The following LRP1B variants were observed in gnomAD, a reference collection of about 807,000 sequenced individuals.
LRP1B encodes low-density lipoprotein receptor-related protein 1B.
In LRP1B, 217 loss-of-function variants were observed where a neutral mutation model predicts 556.6. The ratio of observed to expected loss-of-function variants is 0.39; its 90% CI spans 0.35 to 0.44. The LOEUF is 0.44. LRP1B is among the 20% of genes least tolerant of loss of function. LRP1B has a pLI of 1.00. For missense variants in LRP1B, 5,053 were observed against 5,620.8 expected, an observed-to-expected ratio of 0.90 and a Z score of 3.23; for synonymous variants, 2,047 against 1,865.8, an observed-to-expected ratio of 1.10 and a Z score of -2.50.
intron 41 of LRP1B, among the ~76,000 whole-genome samples, chr2:140,645,124 T>C (rs532900719): frequency 9.1e-4 from 139 of 152,296 alleles, no homozygotes; most frequent in Non-Finnish European, 1.6e-3. Context: ...GGAAGCCTTT[T>C]TTCGGTCTAA....
intron 6 of LRP1B, among the ~76,000 whole-genome samples, chr2:141,191,885 C>G (rs1681528274): frequency 6.6e-6 from 1 of 151,816 alleles, no homozygotes; most frequent in Admixed American, 6.6e-5. Flanking sequence ...CATTCAATGA[C>G]CCATCCCTCA....
intron 42 of LRP1B, 49 bp downstream of exon 42, chr2:140,601,401 C>A: frequency 1.5e-6 from 2 of 1,337,332 alleles, no homozygotes; most frequent in African/African-American, 1.5e-5. Flanking sequence ...CTCTGATATT[C>A]TTTTGACTTA....
Position 141,320,537 on chromosome 2 carries a change from G to A in LRP1B, c.344-65896C>T, listed in dbSNP as rs191435303. ...GCGGAGGACCACTCCTACTTAATTT[G>A]GATTCTCCTCTTTCTGGGAGCTAGT... On this transcript the variant is annotated intron_variant, in intron 3 of 90. Transcript: ENST00000389484. Among the ~76,000 whole-genome samples the A allele has an allele frequency of 2.3e-3, 343 of 152,104 alleles. 2 individuals carry two copies. The highest frequency in any genetic ancestry group is 3.9e-3 in the South Asian group (19 of 4,820).
intron 1 of LRP1B, among the ~76,000 whole-genome samples, chr2:141,850,548 T>C (rs986299889): frequency 3.3e-5 from 5 of 150,384 alleles, no homozygotes; most frequent in African/African-American, 1.2e-4. Context: ...TACATTCCTA[T>C]ATATATATAT....
chr2:141,422,007 A>G (rs1319391568), intron 3 of LRP1B, among the ~76,000 whole-genome samples: 3 of 152,192 alleles, frequency 2.0e-5, no homozygotes, highest in East Asian at 3.9e-4. Flanking sequence ...GTTTATGACT[A>G]TATTAAACAG....
At chr2:141,423,644 C>T (rs1012364790) in intron 3 of LRP1B, among the ~76,000 whole-genome samples, 6 of 152,042 alleles carry the variant, frequency 3.9e-5, no homozygotes, top group African/African-American at 1.4e-4. Context: ...AACAATAAAA[C>T]GCTCTCCTGC....
At chr2:141,198,539 G>A (rs910178996) in intron 6 of LRP1B, among the ~76,000 whole-genome samples, 1 of 152,090 alleles carries the variant, frequency 6.6e-6, no homozygotes, top group Non-Finnish European at 1.5e-5. Flanking sequence ...CCTGTCATTT[G>A]GTGGCAGGTC....
chr2:140,277,285 G>C (rs1286148361), intron 84 of LRP1B, among the ~76,000 whole-genome samples: 1 of 151,822 alleles, frequency 6.6e-6, no homozygotes. Flanking sequence ...TTAAATCTTA[G>C]ATTAAGATTA....
chr2:141,307,200 T>C (rs1361174611), intron 3 of LRP1B, among the ~76,000 whole-genome samples: 1 of 152,132 alleles, frequency 6.6e-6, no homozygotes, highest in African/African-American at 2.4e-5. Context: ...ATGCTGAGAG[T>C]AGGGTGTTGA....
chr2:140,631,565 A>T (rs1683885118), intron 41 of LRP1B, among the ~76,000 whole-genome samples: 1 of 152,222 alleles, frequency 6.6e-6, no homozygotes, highest in South Asian at 2.1e-4. Flanking sequence ...TAACGAAAGA[A>T]TCAGTGAGCT....
chr2:141,269,189 G>T (rs1684998568), intron 3 of LRP1B, among the ~76,000 whole-genome samples: 1 of 152,124 alleles, frequency 6.6e-6, no homozygotes, highest in Non-Finnish European at 1.5e-5. Context: ...CAAAAACAAT[G>T]AATATTTTGG....
rs1174041958 is a variant in LRP1B, at chr2:141,320,428, ATCT to A, written c.344-65790_344-65788del. 2.0e-5 allele frequency among the ~76,000 whole-genome samples: 3 copies of A among 152,070 alleles called. No individual in the cohort carries two copies. The East Asian group carries it at 5.8e-4, about 29-fold the overall frequency. On this transcript the variant is annotated intron_variant, in intron 3 of 90. Coordinates refer to ENST00000389484, the MANE Select transcript of LRP1B (RefSeq NM_018557.3). ...GAATATTTTAAATTCCTCATTCTCA[ATCT>A]TACGGAGTACGGGCGGTGAGGGGAG...
rs533833910 is a variant in LRP1B, at chr2:140,899,015, G to A, written c.3766+3905C>T. On this transcript the variant is annotated intron_variant, in intron 23 of 90. Transcript: ENST00000389484. ...AGCATGCTTTCACAGAGCATCTGCA[G>A]TGATTGCCAGATCTGTCCACTTGAT... 88 of 347,242 alleles carry A rather than the reference G, an allele frequency of 2.5e-4. 1 individual carries two copies. The highest frequency in any genetic ancestry group is 2.2e-3 in the South Asian group (84 of 38,802). 21.5% of individuals were successfully genotyped at this position (347,242 alleles called of 1,614,324 possible). A position where few individuals can be genotyped will look rare whatever the true frequency, so the allele number is the denominator to read the frequency against.
rs532963728 is a variant in LRP1B at position 141,172,176 on chromosome 2, G to A, written c.1013+16245C>T. On this transcript the variant is annotated intron_variant, in intron 7 of 90. Coordinates refer to ENST00000389484, the MANE Select transcript of LRP1B (RefSeq NM_018557.3). ...ATCATGAAATAGTTCACAAAGCACA[G>A]ATGAGCTTCCCATGCACTTCATGGG... 8.5e-5 allele frequency among the ~76,000 whole-genome samples: 13 copies of A among 152,156 alleles called. No individual in the cohort carries two copies. In the South Asian group the frequency reaches 2.7e-3, roughly 32 times the overall value.
chr2:141,034,190 G>A, intron 11 of LRP1B, among the ~76,000 whole-genome samples: 1 of 152,052 alleles, frequency 6.6e-6, no homozygotes, highest in East Asian at 1.9e-4. Context: ...TGGTGATCTT[G>A]TTAGTCAGTC....
intron 2 of LRP1B, among the ~76,000 whole-genome samples, chr2:141,738,404 A>G (rs745532144): frequency 6.6e-6 from 1 of 152,158 alleles, no homozygotes; most frequent in Non-Finnish European, 1.5e-5. Context: ...ACAGCTGCAC[A>G]GTTGAACAGG....
chr2:140,425,461 T>C (rs1272046313), intron 66 of LRP1B, among the ~76,000 whole-genome samples: 1 of 151,886 alleles, frequency 6.6e-6, no homozygotes, highest in East Asian at 1.9e-4. Context: ...TGGAGTGCAG[T>C]GGCATGATCT....
intron 29 of LRP1B, among the ~76,000 whole-genome samples, chr2:140,846,123 G>C (rs1692266622): frequency 6.6e-6 from 1 of 152,118 alleles, no homozygotes; most frequent in African/African-American, 2.4e-5. Context: ...ATGACAATTA[G>C]AAAAACAAGT....
chr2:141,292,658 C>T (rs1019459352), intron 3 of LRP1B, among the ~76,000 whole-genome samples: 4 of 152,066 alleles, frequency 2.6e-5, no homozygotes, highest in Admixed American at 2.6e-4. Flanking sequence ...CTCCCGATAA[C>T]CTATAATGTA....
Sources: gnomAD v4.1 joint callset for allele counts (sites outside exome capture counted in the v4.1 genomes callset) on GRCh38, gnomAD v4.1.1 for gene constraint, MANE v1.5 for transcripts, NCBI Gene and HGNC (gene_info 2026-07-23, HGNC 2026-07-21) for gene names.